ATP9A: variants seen among roughly 807,000 people sequenced by gnomAD.
ATP9A encodes the protein ATPase phospholipid transporting 9A.
A neutral mutation model predicts 144.1 loss-of-function variants in ATP9A; 52 were observed. The observed-to-expected ratio is 0.36, with a 90% CI of 0.29 to 0.45. ATP9A has a LOEUF of 0.45. Ranked by LOEUF, ATP9A falls within the 20% of genes least tolerant of loss-of-function variation. The pLI is 1.00. For missense variants in ATP9A, 947 were observed against 1,392.7 expected, an observed-to-expected ratio of 0.68 and a Z score of 5.09; for synonymous variants, 582 against 557.4, an observed-to-expected ratio of 1.04 and a Z score of -0.62.
Position 51,676,190 on chromosome 20 carries a change from A to G in ATP9A, c.818T>C (p.Val273Ala), listed in dbSNP as rs777388680. Residue 273 changes from valine to alanine, a missense_variant, in exon 10 of 28, where the codon GTT becomes GCT. Val to Ala is a moderately conservative substitution (Grantham distance 64, BLOSUM62 0). Transcript: ENST00000338821. ...CCGGAGTTCTCTGCCAGTGTAAAGAACAACACCCACAACAGTACCTAAAAT... is the reference window on the plus strand; with the variant it reads ...CCGGAGTTCTCTGCCAGTGTAAAGAGCAACACCCACAACAGTACCTAAAAT... ...VVASGTVVGV[V>A]LYTGRELRSV... The G allele has an allele frequency of 1.2e-6, 2 of 1,610,684 alleles. No individual in the cohort carries two copies. Among genetic ancestry groups the G allele is most frequent in the Admixed American group, 3.4e-5 (2 of 59,650 alleles).
At chr20:51,755,186 C>A (rs1425807384) in intron 1 of ATP9A, among the ~76,000 whole-genome samples, 1 of 151,884 alleles carries the variant, frequency 6.6e-6, no homozygotes, top group Admixed American at 6.6e-5. Context: ...GCCTGTAATC[C>A]CAGCACTTTG....
At chr20:51,652,580 T>G (rs2426344) in intron 14 of ATP9A, among the ~76,000 whole-genome samples, 68,335 of 152,118 alleles carry the variant, frequency 0.45, 16,842 homozygotes, top group East Asian at 0.8. Flanking sequence ...GATTTCACCT[T>G]AACTAGATTT....
chr20:51,655,677 T>C (rs994537772), intron 14 of ATP9A, among the ~76,000 whole-genome samples: 1 of 152,160 alleles, frequency 6.6e-6, no homozygotes, highest in Non-Finnish European at 1.5e-5. Flanking sequence ...CATACGTTGC[T>C]GGTAGATACG....
chr20:51,671,289 A>T (rs750839935), intron 11 of ATP9A, 32 bp from the exon 12 acceptor site: 1 of 1,605,084 alleles, frequency 6.2e-7, no homozygotes, highest in African/African-American at 1.3e-5. Context: ...ACAGGCTAAC[A>T]GGACAGATGT....
intron 21 of ATP9A, among the ~76,000 whole-genome samples, chr20:51,618,218 TAA>T (rs77903651): frequency 1.5e-4 from 20 of 137,072 alleles, no homozygotes; most frequent in African/African-American, 1.1e-4. Context: ...GACTCCGTCT[TAA>T]AAAAAAAAAA....
At chr20:51,746,116 A>G (rs2077806979) in intron 1 of ATP9A, among the ~76,000 whole-genome samples, 1 of 152,184 alleles carries the variant, frequency 6.6e-6, no homozygotes, top group Non-Finnish European at 1.5e-5. Context: ...TATAAGTAGG[A>G]GCTAAGTGAT....
At chr20:51,621,229 G>C (rs1252187364) in intron 19 of ATP9A, among the ~76,000 whole-genome samples, 1 of 151,902 alleles carries the variant, frequency 6.6e-6, no homozygotes, top group Non-Finnish European at 1.5e-5. Flanking sequence ...GGAGGTCACA[G>C]ATAAATTTTG....
At chr20:51,704,389 T>G (rs868779738) in intron 4 of ATP9A, among the ~76,000 whole-genome samples, 1,850 of 152,158 alleles carry the variant, frequency 0.012, 37 homozygotes, top group African/African-American at 0.042. Flanking sequence ...TTGTTGTTTT[T>G]TTTTTTAATT....
In ATP9A at chr20:51,658,898, G is replaced by A. The variant is rs934471515; in HGVS notation, c.1294-1748C>T. ...AATTAAGACCACTGGCGGGGGGGGGGGGGGGAAGGCTCATTGTTGAACACA... is the reference window on the plus strand; with the variant it reads ...AATTAAGACCACTGGCGGGGGGGGGAGGGGGAAGGCTCATTGTTGAACACA... On this transcript the variant is annotated intron_variant, in intron 13 of 27. Transcript: ENST00000338821. 8.2e-5 allele frequency among the ~76,000 whole-genome samples: 11 copies of A among 133,664 alleles called. 2 individuals carry two copies. Among genetic ancestry groups the A allele is most frequent in the Non-Finnish European group, 1.6e-4 (10 of 62,844 alleles). The allele number at this position is 133,664 out of a possible 152,430, so 87.7% of individuals were successfully genotyped here. A position where few individuals can be genotyped will look rare whatever the true frequency, so the allele number is the denominator to read the frequency against.
chr20:51,741,790 G>A (rs951436724), intron 1 of ATP9A, among the ~76,000 whole-genome samples: 1 of 152,118 alleles, frequency 6.6e-6, no homozygotes, highest in East Asian at 1.9e-4. Flanking sequence ...CCCCCAGGGT[G>A]GGTATCTGGC....
rs2077795494 is a variant in ATP9A at position 51,743,744 on chromosome 20, C to G, written c.69-13766G>C. Reference sequence around the variant, plus strand: ...AAGAAATTAGGCCGGGCACGGTCGTCACGCCTATAATCCCAGCACTTTGGG... The same window carrying G: ...AAGAAATTAGGCCGGGCACGGTCGTGACGCCTATAATCCCAGCACTTTGGG... On this transcript the variant is annotated intron_variant, in intron 1 of 27. Transcript: ENST00000338821. Among the ~76,000 whole-genome samples the G allele has an allele frequency of 9.0e-5, 9 of 100,338 alleles. No individual in the cohort carries two copies. In the South Asian group the frequency reaches 2.8e-3, roughly 32 times the overall value. The allele number at this position is 100,338 out of a possible 152,430, so 65.8% of individuals were successfully genotyped here. A position where few individuals can be genotyped will look rare whatever the true frequency, so the allele number is the denominator to read the frequency against.
intron 1 of ATP9A, among the ~76,000 whole-genome samples, chr20:51,754,257 T>G (rs1162215867): frequency 1.3e-5 from 2 of 152,078 alleles, no homozygotes; most frequent in South Asian, 2.1e-4. Flanking sequence ...ATCCCAGCAC[T>G]TTGGGAGGCC....
chr20:51,638,293 GAAAA>G (rs11477244), intron 15 of ATP9A, among the ~76,000 whole-genome samples: 1 of 121,470 alleles, frequency 8.2e-6, no homozygotes, highest in Non-Finnish European at 1.7e-5. Flanking sequence ...ATTTGTCAAG[GAAAA>G]AAAAAAAAAA....
chr20:51,598,765 G>C lies in ATP9A; in HGVS notation c.*2446C>G, dbSNP rs1486797876. 1 of 152,294 alleles carries C rather than the reference G, an allele frequency of 6.6e-6. No homozygotes were observed. The highest frequency in any genetic ancestry group is 2.4e-5 in the African/African-American group (1 of 41,466). 9.4% of individuals were successfully genotyped at this position (152,294 alleles called of 1,614,324 possible). ...GTCTCCAGTGTCTGAGAAGCACGGTGTGTGCATTCCTAGGTGTTCAGGGAC... is the reference window on the plus strand; with the variant it reads ...GTCTCCAGTGTCTGAGAAGCACGGTCTGTGCATTCCTAGGTGTTCAGGGAC... On this transcript the variant is annotated 3_prime_UTR_variant, in exon 28 of 28. Transcript: ENST00000338821.
intron 1 of ATP9A, among the ~76,000 whole-genome samples, chr20:51,764,871 C>G (rs1214742388): frequency 6.6e-6 from 1 of 152,058 alleles, no homozygotes; most frequent in East Asian, 1.9e-4. Flanking sequence ...ACAGGCACCA[C>G]CACCACACCC....
chr20:51,641,303 G>A (rs2077317676), intron 14 of ATP9A, among the ~76,000 whole-genome samples: 1 of 152,014 alleles, frequency 6.6e-6, no homozygotes, highest in Non-Finnish European at 1.5e-5. Flanking sequence ...AAGTTGCAGT[G>A]AGTAGAGATC....
At position 51,618,643 on chromosome 20, in the gene ATP9A, C is replaced by T. The variant is rs951229922; in HGVS notation, c.2350+19G>A. ...CACCGGCAGGCCAGGGCCAGCAGCA[C>T]AGCCTGAGCCTCGCCTACCTACTGC... is the stretch of plus-strand genomic sequence containing the variant. On this transcript the variant is annotated intron_variant, in intron 21 of 27. Transcript: ENST00000338821. 1.2e-6 allele frequency: 2 copies of T among 1,604,254 alleles called. No homozygotes were observed. The highest frequency in any genetic ancestry group is 2.7e-5 in the African/African-American group (2 of 74,758).
chr20:51,696,994 G>A (rs2077573200), intron 5 of ATP9A, among the ~76,000 whole-genome samples: 1 of 152,050 alleles, frequency 6.6e-6, no homozygotes. Flanking sequence ...CTTAACCCCT[G>A]CTCCCCATAA....
intron 26 of ATP9A, among the ~76,000 whole-genome samples, chr20:51,607,119 C>T (rs113522370): frequency 2.1e-3 from 320 of 152,100 alleles, no homozygotes; most frequent in Non-Finnish European, 3.5e-3. Context: ...TATATTCCAA[C>T]AGGTCATCTT....
Sources: allele counts gnomAD v4.1 joint callset (sites outside exome capture counted in the v4.1 genomes callset), GRCh38; gene constraint gnomAD v4.1.1; transcripts MANE v1.5; gene names NCBI Gene and HGNC (gene_info 2026-07-23, HGNC 2026-07-21).